The following WDFY3 variants were observed in gnomAD, a reference collection of about 807,000 sequenced individuals.
The protein encoded by WDFY3 is WD repeat and FYVE domain-containing protein 3.
In WDFY3, 66 loss-of-function variants were observed where a neutral mutation model predicts 409.6. That is an observed-to-expected ratio of 0.16 (90% CI 0.13 to 0.20). WDFY3 has a LOEUF of 0.20. Ranked by LOEUF, WDFY3 falls within the 10% of genes least tolerant of loss-of-function variation. WDFY3 has a pLI of 1.00. For missense variants in WDFY3, 3,031 were observed against 4,298.1 expected (o/e 0.71, Z 8.24); for synonymous variants, 1,521 against 1,537.1 (o/e 0.99, Z 0.25).
chr4:84,888,813 C>G (rs1358245606), intron 3 of WDFY3, among the ~76,000 whole-genome samples: 1 of 150,546 alleles, frequency 6.6e-6, no homozygotes. Context: ...CAGGAATCAG[C>G]AAACACTAAA....
intron 3 of WDFY3, among the ~76,000 whole-genome samples, chr4:84,892,923 G>A (rs532652436): frequency 1.3e-5 from 2 of 152,320 alleles, no homozygotes; most frequent in East Asian, 3.9e-4. Context: ...CAGCAGAACA[G>A]AAACCTGAAT....
At chr4:84,786,231 G>C (rs1242727702) in intron 23 of WDFY3, 92 bp from the exon 24 acceptor site, 2 of 1,274,060 alleles carry the variant, frequency 1.6e-6, no homozygotes, top group African/African-American at 1.5e-5. Context: ...AAATGAGGAG[G>C]CTTGAAAGTC....
intron 1 of WDFY3, among the ~76,000 whole-genome samples, chr4:84,953,862 CT>C (rs1325118159): frequency 6.6e-6 from 1 of 152,102 alleles, no homozygotes; most frequent in Non-Finnish European, 1.5e-5. Context: ...ATCAATCCCC[CT>C]GATATGCAGA....
At chr4:84,830,111 T>C (rs1028661733) in intron 8 of WDFY3, among the ~76,000 whole-genome samples, 2 of 152,164 alleles carry the variant, frequency 1.3e-5, no homozygotes, top group African/African-American at 4.8e-5. Flanking sequence ...CTGACTCATA[T>C]ATTAGGTACT....
chr4:84,733,037 G>A (rs116097525), intron 44 of WDFY3, among the ~76,000 whole-genome samples: 1,697 of 152,222 alleles, frequency 0.011, 27 homozygotes, highest in African/African-American at 0.039. Context: ...ACAGTCCTAC[G>A]AGGTGGAACT....
At chr4:84,718,851 A>G (rs981087509) in intron 47 of WDFY3, among the ~76,000 whole-genome samples, 1 of 152,188 alleles carries the variant, frequency 6.6e-6, no homozygotes, top group South Asian at 2.1e-4. Flanking sequence ...AGTCAAGAAC[A>G]TTAGATAAGG....
chr4:84,779,334 T>C (rs1423334831), intron 26 of WDFY3, among the ~76,000 whole-genome samples: 1 of 152,322 alleles, frequency 6.6e-6, no homozygotes, highest in East Asian at 1.9e-4. Flanking sequence ...ACTTCGTGTA[T>C]GATAGGTTTT....
rs545553097 is a variant in WDFY3, at chr4:84,858,578, G to C, written c.180+1834C>G. Reference sequence around the variant, plus strand: ...AGATATAGAGGAGAATATTCTCAAAGAAATATTTCAGAATATTTACCGAGA... The same window carrying C: ...AGATATAGAGGAGAATATTCTCAAACAAATATTTCAGAATATTTACCGAGA... On this transcript the variant is annotated intron_variant, in intron 4 of 67. Coordinates refer to ENST00000295888, the MANE Select transcript of WDFY3 (RefSeq NM_014991.6). 5.5e-4 allele frequency among the ~76,000 whole-genome samples: 84 copies of C among 152,108 alleles called. No individual in the cohort carries two copies. The South Asian group carries it at 0.016, about 30-fold the overall frequency.
chr4:84,768,436 T>C (rs1744067823), intron 30 of WDFY3, among the ~76,000 whole-genome samples: 2 of 152,204 alleles, frequency 1.3e-5, no homozygotes, highest in Admixed American at 1.3e-4. Context: ...ATGCAGCTGG[T>C]GACTTTAAGT....
rs1055071081 is a variant in WDFY3, at chr4:84,874,949, A to C, written c.-31-14327T>G. Among the ~76,000 whole-genome samples the C allele has an allele frequency of 2.0e-5, 3 of 152,268 alleles. No homozygotes were observed. In the East Asian group the frequency reaches 5.8e-4, roughly 29 times the overall value. On this transcript the variant is annotated intron_variant, in intron 3 of 67. Coordinates refer to ENST00000295888, the MANE Select transcript of WDFY3 (RefSeq NM_014991.6). Reference sequence around the variant, plus strand: ...ACAAACCTGTACAGCATGTTGCTGTACTGAATACTATAGGCAACTGTAACA... The same window carrying C: ...ACAAACCTGTACAGCATGTTGCTGTCCTGAATACTATAGGCAACTGTAACA...
At chr4:84,849,755 T>C (rs1043295120) in intron 5 of WDFY3, 147 bp downstream of exon 5, 72 of 1,133,420 alleles carry the variant, frequency 6.4e-5, no homozygotes, top group Non-Finnish European at 8.7e-5. Flanking sequence ...AGGAAAAGAA[T>C]GTGACTCTAA....
At chr4:84,879,436 G>C (rs1763197113) in intron 3 of WDFY3, 1 of 152,114 alleles carries the variant, frequency 6.6e-6, no homozygotes, top group Non-Finnish European at 1.5e-5. Flanking sequence ...GCCACGACTA[G>C]CTCTACTTTC....
intron 53 of WDFY3, among the ~76,000 whole-genome samples, chr4:84,708,357 C>T (rs1271981137): frequency 2.0e-5 from 3 of 152,088 alleles, no homozygotes; most frequent in Non-Finnish European, 2.9e-5. Context: ...CAAATTAATC[C>T]GCACTTAAAG....
intron 1 of WDFY3, among the ~76,000 whole-genome samples, chr4:84,964,285 C>T (rs1175667440): frequency 6.6e-6 from 1 of 152,032 alleles, no homozygotes; most frequent in African/African-American, 2.4e-5. Flanking sequence ...CTGAGCAACA[C>T]AGGGAGACCC....
chr4:84,676,154 C>T (rs752998114), intron 67 of WDFY3, among the ~76,000 whole-genome samples: 8 of 151,362 alleles, frequency 5.3e-5, no homozygotes, highest in Non-Finnish European at 1.0e-4. Context: ...ACTGGCAGAA[C>T]GTATCTGCAA....
chr4:84,688,175 T>C lies in WDFY3; in HGVS notation c.9454A>G (p.Ile3152Val). 6.2e-7 allele frequency: 1 copy of C among 1,614,132 alleles called. No individual in the cohort carries two copies. The highest frequency in any genetic ancestry group is 1.3e-5 in the African/African-American group (1 of 75,026). ...GACAGTTTGTTCAAATCCCAAATGATACAGGTTCGATCACGGGACCCACTG... is the reference window on the plus strand; with the variant it reads ...GACAGTTTGTTCAAATCCCAAATGACACAGGTTCGATCACGGGACCCACTG... Reference protein sequence around the residue: ...IVSGSRDRTCIIWDLNKLSFL... With the variant: ...IVSGSRDRTCVIWDLNKLSFL... The change falls in exon 62 of 68, where the codon ATC (isoleucine) becomes GTC (valine). Residue 3152 changes from isoleucine (I) to valine (V), a missense_variant. By Grantham distance (29) the Ile-to-Val change is conservative. This residue lies in a region of WDFY3 where 8 missense variants were observed against 30.3 expected (regional missense o/e 0.26). Coordinates refer to ENST00000295888, the MANE Select transcript of WDFY3 (RefSeq NM_014991.6).
chr4:84,743,028 A>G (rs942689044), intron 37 of WDFY3, among the ~76,000 whole-genome samples: 5 of 152,214 alleles, frequency 3.3e-5, no homozygotes, highest in South Asian at 2.1e-4. Context: ...GCACAGTTGC[A>G]TGTTGAGACA....
intron 18 of WDFY3, among the ~76,000 whole-genome samples, chr4:84,797,361 AT>A (rs1390412005): frequency 6.6e-6 from 1 of 152,132 alleles, no homozygotes; most frequent in Non-Finnish European, 1.5e-5. Context: ...ACAGATTGTC[AT>A]TATCTCTCCA....
intron 1 of WDFY3, among the ~76,000 whole-genome samples, chr4:84,959,396 A>T (rs1339187604): frequency 6.6e-6 from 1 of 152,198 alleles, no homozygotes; most frequent in Non-Finnish European, 1.5e-5. Context: ...GTAATCTATG[A>T]GAAGACGTGA....
Sources: allele counts gnomAD v4.1 joint callset (sites outside exome capture counted in the v4.1 genomes callset), GRCh38; gene constraint gnomAD v4.1.1; regional missense constraint gnomAD v4.1.1; transcripts MANE v1.5; gene names NCBI Gene and HGNC (gene_info 2026-07-23, HGNC 2026-07-21).